The following ASIC2 variants were observed in gnomAD, a reference collection of about 807,000 sequenced individuals.
ASIC2 encodes acid-sensing ion channel 2.
Under a neutral mutation model 57.3 loss-of-function variants are expected in ASIC2, and 25 were observed. The ratio of observed to expected loss-of-function variants is 0.44; its 90% CI spans 0.32 to 0.61. ASIC2 has a LOEUF of 0.61. ASIC2 is among the 20% of genes least tolerant of loss of function. The pLI, the probability that ASIC2 is intolerant of heterozygous loss-of-function variation, is 0.06. For missense variants in ASIC2, 641 were observed against 738.1 expected, an observed-to-expected ratio of 0.87 and a Z score of 1.52; for synonymous variants, 319 against 307.5, an observed-to-expected ratio of 1.04 and a Z score of -0.39.
chr17:33,822,408 G>A (rs563730523), intron 1 of ASIC2, among the ~76,000 whole-genome samples: 20 of 152,288 alleles, frequency 1.3e-4, no homozygotes, highest in Admixed American at 9.2e-4. Flanking sequence ...TATTGATGGG[G>A]TTTGGATATG....
In ASIC2 at chr17:33,291,979, C is replaced by A. The variant is rs112647385; in HGVS notation, c.137G>T (p.Arg46Leu). 348,648 of 1,295,222 alleles carry A rather than the reference C, an allele frequency of 0.27. 48,417 individuals carry two copies. Among genetic ancestry groups the A allele is most frequent in the Middle Eastern group, 0.32 (1,101 of 3,442 alleles). 80.2% of individuals were successfully genotyped at this position (1,295,222 alleles called of 1,614,324 possible). A position where few individuals can be genotyped will look rare whatever the true frequency, so the allele number is the denominator to read the frequency against. ...GQPGGGRGGE[R>L]ALQGPGVARR... ...GGCGACCCCTGGCCCCTGCAGCGCC[C>A]GCTCGCCGCCTCTGCCGCCCCCGGG... is the stretch of plus-strand genomic sequence containing the variant. The change falls in exon 1 of 10, where the codon CGG (arginine) becomes CTG (leucine). Residue 46 changes from arginine (R) to leucine (L), a missense_variant. This residue lies in a region of ASIC2 where 382 missense variants were observed against 398.0 expected (regional missense o/e 0.96). Coordinates refer to ENST00000225823, the MANE Select transcript of ASIC2 (RefSeq NM_183377.2).
At chr17:33,024,235 A>G (rs1339648358) in intron 5 of ASIC2, among the ~76,000 whole-genome samples, 1 of 152,168 alleles carries the variant, frequency 6.6e-6, no homozygotes. Flanking sequence ...CTCTTTAAAA[A>G]TTGTTGAAAT....
At chr17:33,770,523 G>A (rs1348440256) in intron 1 of ASIC2, among the ~76,000 whole-genome samples, 1 of 152,176 alleles carries the variant, frequency 6.6e-6, no homozygotes, top group Non-Finnish European at 1.5e-5. Flanking sequence ...GCATGAAGAA[G>A]TTCACTCTAT....
At chr17:33,301,658 A>AC (rs1199340160) in intron 1 of ASIC2, among the ~76,000 whole-genome samples, 3 of 152,212 alleles carry the variant, frequency 2.0e-5, no homozygotes, top group Non-Finnish European at 4.4e-5. Context: ...TGAGAAAGAA[A>AC]ATATTAAATA....
intron 1 of ASIC2, among the ~76,000 whole-genome samples, chr17:33,237,004 G>A (rs1480240207): frequency 1.3e-5 from 2 of 152,170 alleles, no homozygotes; most frequent in African/African-American, 4.8e-5. Context: ...CCTAAGACAG[G>A]AGATGAAGGG....
chr17:33,515,054 CAGTA>C (rs1367580545), intron 1 of ASIC2, among the ~76,000 whole-genome samples: 1 of 152,194 alleles, frequency 6.6e-6, no homozygotes, highest in Non-Finnish European at 1.5e-5. Context: ...TCATAGGTGC[CAGTA>C]AGTATTTAGT....
At chr17:33,968,272 C>T (rs1040150289) in intron 1 of ASIC2, among the ~76,000 whole-genome samples, 3 of 152,176 alleles carry the variant, frequency 2.0e-5, no homozygotes, top group African/African-American at 4.8e-5. Context: ...ACGGTGCCTG[C>T]CCCCCAACCC....
intron 2 of ASIC2, among the ~76,000 whole-genome samples, chr17:33,090,283 G>A (rs1290430529): frequency 6.6e-6 from 1 of 152,144 alleles, no homozygotes; most frequent in African/African-American, 2.4e-5. Flanking sequence ...TTCCACATCT[G>A]CCTGCTGGAG....
chr17:33,273,721 T>C (rs569136598), intron 1 of ASIC2, among the ~76,000 whole-genome samples: 21 of 152,126 alleles, frequency 1.4e-4, no homozygotes, highest in Non-Finnish European at 2.1e-4. Flanking sequence ...GATGGGGAAA[T>C]TGAGGCACAG....
intron 1 of ASIC2, among the ~76,000 whole-genome samples, chr17:33,227,069 C>T (rs1394962172): frequency 6.6e-6 from 1 of 151,908 alleles, no homozygotes; most frequent in Non-Finnish European, 1.5e-5. Flanking sequence ...TAGAGCACAT[C>T]TCAGTTAGGA....
intron 1 of ASIC2, among the ~76,000 whole-genome samples, chr17:33,131,036 C>T (rs2092343763): frequency 6.6e-6 from 1 of 152,252 alleles, no homozygotes; most frequent in East Asian, 1.9e-4. Flanking sequence ...GATTACCTTA[C>T]AGGGTTGTTG....
intron 3 of ASIC2, among the ~76,000 whole-genome samples, chr17:33,085,951 A>G (rs2092132492): frequency 1.3e-5 from 2 of 152,206 alleles, no homozygotes; most frequent in African/African-American, 2.4e-5. Context: ...AATCATGAAA[A>G]TACAGACATG....
At chr17:33,750,840 TG>T (rs534662823) in intron 1 of ASIC2, among the ~76,000 whole-genome samples, 47 of 152,170 alleles carry the variant, frequency 3.1e-4, no homozygotes, top group African/African-American at 1.1e-3. Context: ...CAGCTGGGGA[TG>T]GGGAGAAGGG....
At chr17:33,376,034 G>A (rs1405275809) in intron 1 of ASIC2, among the ~76,000 whole-genome samples, 1 of 152,138 alleles carries the variant, frequency 6.6e-6, no homozygotes, top group Non-Finnish European at 1.5e-5. Context: ...GAGCTTGGGC[G>A]ATGTGTGGAC....
intron 1 of ASIC2, among the ~76,000 whole-genome samples, chr17:33,144,628 C>T (rs911623721): frequency 6.6e-6 from 1 of 152,082 alleles, no homozygotes; most frequent in Non-Finnish European, 1.5e-5. Flanking sequence ...AAATGTAGGG[C>T]TGCCTAGGGT....
chr17:33,194,593 G>A (rs74937284), intron 1 of ASIC2, among the ~76,000 whole-genome samples: 7,039 of 152,282 alleles, frequency 0.046, 225 homozygotes, highest in Non-Finnish European at 0.074. Context: ...GCACTGGAAT[G>A]TAGGGAACAA....
intron 1 of ASIC2, among the ~76,000 whole-genome samples, chr17:33,210,282 G>A (rs1017984029): frequency 6.6e-6 from 1 of 152,182 alleles, no homozygotes; most frequent in Admixed American, 6.5e-5. Context: ...AGTTCACTCA[G>A]CTTCAGCTAA....
chr17:33,506,572 G>C (rs907538619), intron 1 of ASIC2, among the ~76,000 whole-genome samples: 1 of 152,144 alleles, frequency 6.6e-6, no homozygotes, highest in Non-Finnish European at 1.5e-5. Flanking sequence ...CTAATTATGG[G>C]GGTGTGTGTG....
chr17:34,084,890 T>G lies in ASIC2; in HGVS notation c.555+71088A>C, dbSNP rs574976768. 2.8e-4 allele frequency among the ~76,000 whole-genome samples: 42 copies of G among 152,382 alleles called. 1 individual carries two copies. The highest frequency in any genetic ancestry group is 1.7e-3 in the East Asian group (9 of 5,194). On this transcript the variant is annotated intron_variant, in intron 1 of 9. Transcript: ENST00000359872. ...TTGTGATTTTTGCACATTGATTTTG[T>G]ATCCTGAGACTTTGCTGAAGTTGCC...
Sources: gnomAD v4.1 joint callset for allele counts (sites outside exome capture counted in the v4.1 genomes callset) on GRCh38, gnomAD v4.1.1 for gene constraint, gnomAD v4.1.1 regional missense constraint, MANE v1.5 for transcripts, NCBI Gene and HGNC (gene_info 2026-07-23, HGNC 2026-07-21) for gene names.